Variants in TRPM3 observed in about 807,000 individuals in gnomAD.
TRPM3 encodes the protein long transient receptor potential channel 3.
TRPM3 carries 77 observed loss-of-function variants against 181.2 expected under a neutral mutation model. That is an observed-to-expected ratio of 0.42 (90% CI 0.35 to 0.51). The LOEUF is 0.51. TRPM3 is among the 20% of genes least tolerant of loss of function. The pLI is 0.01. For missense variants in TRPM3, 1,759 were observed against 2,196.7 expected (o/e 0.80, Z 3.98); for synonymous variants, 745 against 796.4 (o/e 0.94, Z 1.09).
chr9:70,874,459 C>T (rs1297102067), intron 1 of TRPM3, among the ~76,000 whole-genome samples: 1 of 151,974 alleles, frequency 6.6e-6, no homozygotes, highest in East Asian at 1.9e-4. Context: ...TAGGCTTAGC[C>T]CAGTGGACCC....
At chr9:71,267,063 G>A (rs1193098957) in intron 1 of TRPM3, among the ~76,000 whole-genome samples, 1 of 151,926 alleles carries the variant, frequency 6.6e-6, no homozygotes, top group Non-Finnish European at 1.5e-5. Flanking sequence ...AGTCATCTAT[G>A]GCAAATTCAT....
intron 1 of TRPM3, among the ~76,000 whole-genome samples, chr9:71,208,726 T>G (rs1283532319): frequency 6.6e-6 from 1 of 152,200 alleles, no homozygotes; most frequent in Non-Finnish European, 1.5e-5. Flanking sequence ...ATGGTTCTCA[T>G]GGCCAAAATA....
chr9:70,949,701 A>T (rs1198024181), intron 1 of TRPM3, among the ~76,000 whole-genome samples: 1 of 152,064 alleles, frequency 6.6e-6, no homozygotes, highest in African/African-American at 2.4e-5. Flanking sequence ...ACCATACCCA[A>T]CCTGAATGTA....
At chr9:70,858,306 TC>T (rs1379877512) in intron 3 of TRPM3, among the ~76,000 whole-genome samples, 1 of 152,140 alleles carries the variant, frequency 6.6e-6, no homozygotes. Flanking sequence ...AACCATGCCT[TC>T]CCCATGCAAA....
chr9:70,966,383 A>C (rs2097185882), intron 1 of TRPM3, among the ~76,000 whole-genome samples: 1 of 152,094 alleles, frequency 6.6e-6, no homozygotes, highest in South Asian at 2.1e-4. Flanking sequence ...CCAGCATTCC[A>C]TTACTGGGTA....
intron 8 of TRPM3, 103 bp from the exon 9 acceptor site, chr9:70,681,681 A>G: frequency 1.0e-6 from 1 of 976,806 alleles, no homozygotes; most frequent in Non-Finnish European, 1.6e-6. Context: ...ATATCTACAA[A>G]GTAGATTCTT....
chr9:70,565,424 G>T (rs1202146426), intron 22 of TRPM3, among the ~76,000 whole-genome samples: 1 of 152,024 alleles, frequency 6.6e-6, no homozygotes, highest in Non-Finnish European at 1.5e-5. Flanking sequence ...CTCCCAAGTA[G>T]CTGGGATTAC....
chr9:70,856,253 T>G (rs570850407), intron 3 of TRPM3, among the ~76,000 whole-genome samples: 4 of 152,336 alleles, frequency 2.6e-5, no homozygotes, highest in African/African-American at 9.6e-5. Flanking sequence ...TCTAGTTTTA[T>G]TCTCAGTTTC....
chr9:71,132,475 A>C (rs992673702), intron 1 of TRPM3, among the ~76,000 whole-genome samples: 5 of 152,208 alleles, frequency 3.3e-5, no homozygotes, highest in Admixed American at 6.5e-5. Context: ...CGGGAGATTA[A>C]ATCAACTACA....
chr9:70,805,843 T>C (rs2131319408), intron 6 of TRPM3, among the ~76,000 whole-genome samples: 1 of 152,352 alleles, frequency 6.6e-6, no homozygotes, highest in South Asian at 2.1e-4. Context: ...CCATGTTTAA[T>C]TGCTGCTTAT....
chr9:71,335,326 A>AT (rs879728469), intron 1 of TRPM3, among the ~76,000 whole-genome samples: 27 of 151,924 alleles, frequency 1.8e-4, no homozygotes, highest in Admixed American at 2.6e-4. Flanking sequence ...TCAGATTACA[A>AT]TTTTTTTTCA....
intron 8 of TRPM3, among the ~76,000 whole-genome samples, chr9:70,757,778 A>T (rs1463045290): frequency 6.6e-6 from 1 of 152,192 alleles, no homozygotes; most frequent in Non-Finnish European, 1.5e-5. Context: ...AAAATTTAAC[A>T]CCCCTTCATG....
chr9:71,035,741 A>C (rs183882078), intron 1 of TRPM3, among the ~76,000 whole-genome samples: 1 of 152,234 alleles, frequency 6.6e-6, no homozygotes, highest in Non-Finnish European at 1.5e-5. Context: ...AAATAAAATA[A>C]AAAATAAAAC....
At chr9:70,752,045 T>TGCGCGC (rs1343827689) in intron 8 of TRPM3, among the ~76,000 whole-genome samples, 1 of 102,492 alleles carries the variant, frequency 9.8e-6, no homozygotes, top group Non-Finnish European at 2.2e-5. Flanking sequence ...TGTGTGTGTG[T>TGCGCGC]GTGTGCGCGC....
intron 1 of TRPM3, among the ~76,000 whole-genome samples, chr9:70,979,723 T>C (rs1207718852): frequency 1.3e-5 from 2 of 152,126 alleles, no homozygotes; most frequent in African/African-American, 2.4e-5. Context: ...ATATCAAAGA[T>C]TGGGTGGCTT....
At chr9:71,392,617 G>A (rs2093089412) in intron 1 of TRPM3, among the ~76,000 whole-genome samples, 1 of 151,808 alleles carries the variant, frequency 6.6e-6, no homozygotes, top group South Asian at 2.1e-4. Flanking sequence ...CTTCCCCTAT[G>A]CCTCTCTATC....
intron 1 of TRPM3, among the ~76,000 whole-genome samples, chr9:71,128,534 C>T (rs1166359009): frequency 6.6e-6 from 1 of 152,130 alleles, no homozygotes; most frequent in East Asian, 1.9e-4. Flanking sequence ...CTAATATTTG[C>T]AATGCTATTC....
At chr9:71,300,848 G>A (rs1165538239) in intron 1 of TRPM3, among the ~76,000 whole-genome samples, 2 of 152,090 alleles carry the variant, frequency 1.3e-5, no homozygotes, top group Non-Finnish European at 2.9e-5. Flanking sequence ...ATGGGATTTA[G>A]CATTTGGAGG....
intron 12 of TRPM3, among the ~76,000 whole-genome samples, chr9:70,630,557 G>A (rs2065633600): frequency 6.6e-6 from 1 of 152,218 alleles, no homozygotes. Flanking sequence ...AACACCTTCT[G>A]GAGGAGACTT....
Sources: gnomAD v4.1 joint callset for allele counts (sites outside exome capture counted in the v4.1 genomes callset) on GRCh38, gnomAD v4.1.1 for gene constraint, MANE v1.5 for transcripts, NCBI Gene and HGNC (gene_info 2026-07-23, HGNC 2026-07-21) for gene names.